The following ZMYND8 variants were observed in gnomAD, a reference collection of about 807,000 sequenced individuals.
ZMYND8 encodes the protein MYND-type zinc finger-containing chromatin reader ZMYND8.
In ZMYND8, 37 loss-of-function variants were observed where a neutral mutation model predicts 140.8. That is an observed-to-expected ratio of 0.26 (90% CI 0.20 to 0.35). The LOEUF (loss-of-function observed/expected upper bound fraction) is 0.35, where lower values mean the gene tolerates loss of function less well. ZMYND8 is among the 10% of genes least tolerant of loss of function. The pLI is 1.00. For synonymous variants in ZMYND8, 592 were observed against 597.1 expected, an observed-to-expected ratio of 0.99 and a Z score of 0.12; for missense variants, 1,068 against 1,570.0, an observed-to-expected ratio of 0.68 and a Z score of 5.40.
Position 47,258,826 on chromosome 20 carries a change from C to T in ZMYND8, c.1621+3462G>A, listed in dbSNP as rs150665868. Among the ~76,000 whole-genome samples, 1,238 of 152,238 alleles carry T rather than the reference C, an allele frequency of 8.1e-3. 5 individuals are homozygous for T. The highest frequency in any genetic ancestry group is 0.016 in the African/African-American group (679 of 41,534). ...CTTGTTCTGATCTCCTCCCCACCCA[C>T]GGCACTTCCATCGGTCCCTAGCTGA... is the stretch of plus-strand genomic sequence containing the variant. On this transcript the variant is annotated intron_variant, in intron 12 of 22. Coordinates refer to ENST00000471951, the MANE Select transcript of ZMYND8 (RefSeq NM_001281775.3).
chr20:47,321,363 G>A (rs2079933579), intron 2 of ZMYND8, among the ~76,000 whole-genome samples: 1 of 152,212 alleles, frequency 6.6e-6, no homozygotes, highest in Non-Finnish European at 1.5e-5. Flanking sequence ...GACATTTTTG[G>A]TTGTCACAAC....
intron 21 of ZMYND8, among the ~76,000 whole-genome samples, chr20:47,214,276 G>A (rs984046652): frequency 2.6e-5 from 4 of 152,210 alleles, no homozygotes; most frequent in Non-Finnish European, 5.9e-5. Context: ...AACACAAACT[G>A]CTTTGGTGAG....
intron 16 of ZMYND8, among the ~76,000 whole-genome samples, chr20:47,231,422 A>T (rs1481291594): frequency 6.6e-6 from 1 of 152,190 alleles, no homozygotes; most frequent in Non-Finnish European, 1.5e-5. Context: ...CAAGAACTGC[A>T]TGCCGCCCCG....
At chr20:47,325,818 C>T (rs1406525545) in intron 2 of ZMYND8, among the ~76,000 whole-genome samples, 1 of 151,518 alleles carries the variant, frequency 6.6e-6, no homozygotes, top group South Asian at 2.1e-4. Context: ...GACAGAGTTT[C>T]GTTCTTGTTG....
intron 2 of ZMYND8, among the ~76,000 whole-genome samples, chr20:47,345,978 G>A (rs182660023): frequency 2.0e-4 from 31 of 152,208 alleles, no homozygotes; most frequent in East Asian, 7.7e-4. Flanking sequence ...TTTTTGAAGC[G>A]CATTCTGGCT....
intron 2 of ZMYND8, among the ~76,000 whole-genome samples, chr20:47,333,739 A>C (rs866856571): frequency 7.0e-6 from 1 of 142,604 alleles, no homozygotes; most frequent in African/African-American, 2.8e-5. Flanking sequence ...AAAAAAAAAA[A>C]AAAAAAAAAA....
intron 14 of ZMYND8, among the ~76,000 whole-genome samples, chr20:47,240,587 C>T (rs2039838770): frequency 1.3e-5 from 2 of 151,908 alleles, no homozygotes; most frequent in South Asian, 4.2e-4. Flanking sequence ...TGGATTCTCA[C>T]TCTGTCACCC....
rs541452513 is a variant in ZMYND8, at chr20:47,271,342, G to A, written c.1480+4972C>T. On this transcript the variant is annotated intron_variant, in intron 11 of 22. Coordinates refer to ENST00000471951, the MANE Select transcript of ZMYND8 (RefSeq NM_001281775.3). ...TGCCCTATTGTATTTCCTTATGAAA[G>A]AGCTGCTTATCATTGTAGCACTAAA... Among the ~76,000 whole-genome samples the A allele has an allele frequency of 1.2e-4, 18 of 152,282 alleles. No homozygotes were observed. In the South Asian group the frequency reaches 3.3e-3, roughly 28 times the overall value.
chr20:47,319,275 C>G, intron 2 of ZMYND8: 1 of 349,462 alleles, frequency 2.9e-6, no homozygotes, highest in Non-Finnish European at 5.7e-6. Context: ...AGCTGAAAGT[C>G]TCCGGTGCAG....
At chr20:47,214,450 C>T (rs2035769936) in intron 21 of ZMYND8, among the ~76,000 whole-genome samples, 2 of 152,180 alleles carry the variant, frequency 1.3e-5, no homozygotes, top group Non-Finnish European at 2.9e-5. Flanking sequence ...TCTCACTGTG[C>T]TGATGTGACT....
At chr20:47,286,164 T>A (rs1327326400) in intron 8 of ZMYND8, among the ~76,000 whole-genome samples, 1 of 151,022 alleles carries the variant, frequency 6.6e-6, no homozygotes, top group South Asian at 2.1e-4. Context: ...TAGATATAAA[T>A]TTATAAGGAT....
intron 11 of ZMYND8, among the ~76,000 whole-genome samples, chr20:47,265,983 G>T (rs1311500063): frequency 6.6e-6 from 1 of 152,186 alleles, no homozygotes; most frequent in Non-Finnish European, 1.5e-5. Flanking sequence ...TACCCAGCCA[G>T]TGAAGGGCAG....
chr20:47,334,080 A>T (rs1473039246), intron 2 of ZMYND8, among the ~76,000 whole-genome samples: 1 of 152,208 alleles, frequency 6.6e-6, no homozygotes, highest in Non-Finnish European at 1.5e-5. Context: ...ATCTAATGCG[A>T]AGCCTATTGT....
At position 47,209,760 on chromosome 20, in the gene ZMYND8, CT is replaced by C. The variant is rs1443059262; in HGVS notation, c.*1000del. 6.6e-6 allele frequency: 1 copy of C among 152,668 alleles called. No homozygotes were observed. Among genetic ancestry groups the C allele is most frequent in the East Asian group, 1.9e-4 (1 of 5,208 alleles). 9.5% of individuals were successfully genotyped at this position (152,668 alleles called of 1,614,324 possible). A position where few individuals can be genotyped will look rare whatever the true frequency, so the allele number is the denominator to read the frequency against. On this transcript the variant is annotated 3_prime_UTR_variant, in exon 23 of 23. Transcript: ENST00000471951. The stretch of plus-strand genomic sequence containing the variant: ...TGTACGGACAGCATGACGGGCCTTG[CT>C]TTCTCTCATACTGCCTGTGTTTCAT...
At chr20:47,293,624 C>T (rs2077443987) in intron 5 of ZMYND8, among the ~76,000 whole-genome samples, 2 of 152,234 alleles carry the variant, frequency 1.3e-5, no homozygotes, top group Non-Finnish European at 2.9e-5. Context: ...TTGTGCTCAG[C>T]TTCCTCATTG....
chr20:47,222,682 G>A (rs1006970019), intron 19 of ZMYND8, among the ~76,000 whole-genome samples: 1 of 152,224 alleles, frequency 6.6e-6, no homozygotes, highest in African/African-American at 2.4e-5. Flanking sequence ...TTCCAGAACG[G>A]AGGGAAAACA....
rs181419866 is a variant in ZMYND8, at chr20:47,228,328, C to T, written c.2938-1047G>A. ...GTTCAAACGTCAGTATAGCTAAGGC[C>T]GAGAAAACCTGATTAATTCACGTAG... On this transcript the variant is annotated intron_variant, in intron 17 of 22. Coordinates refer to ENST00000471951, the MANE Select transcript of ZMYND8 (RefSeq NM_001281775.3). 2.0e-3 allele frequency among the ~76,000 whole-genome samples: 301 copies of T among 152,148 alleles called. 1 individual carries two copies. The highest frequency in any genetic ancestry group is 4.2e-3 in the Admixed American group (64 of 15,282).
At chr20:47,277,454 G>A (rs1313695980) in intron 10 of ZMYND8, among the ~76,000 whole-genome samples, 1 of 152,158 alleles carries the variant, frequency 6.6e-6, no homozygotes, top group Non-Finnish European at 1.5e-5. Flanking sequence ...CAGAGCCAGT[G>A]GCCCCCGGGG....
intron 2 of ZMYND8, among the ~76,000 whole-genome samples, chr20:47,314,647 A>G (rs1017859275): frequency 4.6e-5 from 7 of 152,222 alleles, no homozygotes; most frequent in African/African-American, 1.7e-4. Flanking sequence ...ACGCTAGGGT[A>G]TGTGTATGTG....
Sources: allele counts gnomAD v4.1 joint callset (sites outside exome capture counted in the v4.1 genomes callset), GRCh38; gene constraint gnomAD v4.1.1; transcripts MANE v1.5; gene names NCBI Gene and HGNC (gene_info 2026-07-23, HGNC 2026-07-21).